Variants in ATP11C observed in about 807,000 individuals in gnomAD.
ATP11C encodes phospholipid-transporting ATPase IG.
A neutral mutation model predicts 97.4 loss-of-function variants in ATP11C; 36 were observed. The ratio of observed to expected loss-of-function variants is 0.37; its 90% confidence interval spans 0.28 to 0.49. ATP11C has a LOEUF of 0.49. Among genes scored for constraint, ATP11C ranks in the 20% least tolerant of loss-of-function variants. The pLI is 0.98. For synonymous variants in ATP11C, 275 were observed against 290.9 expected (o/e 0.95, Z 0.56); for missense variants, 730 against 824.6 (o/e 0.89, Z 1.40).
At chrX:139,840,089 A>T (rs1430360013) in intron 1 of ATP11C, among the ~76,000 whole-genome samples, 3 of 112,191 alleles carry the variant, frequency 2.7e-5, no homozygotes, top group African/African-American at 9.7e-5. Flanking sequence ...TACAATGAGC[A>T]AAGCAAAGCA....
intron 1 of ATP11C, chrX:139,832,291 T>C: frequency 8.7e-7 from 1 of 1,149,571 alleles, no homozygotes; most frequent in South Asian, 2.1e-5. Flanking sequence ...CCTTGTAAAG[T>C]TTCCCAGAAC....
At chrX:139,754,448 A>G (rs2081889080) in intron 23 of ATP11C, among the ~76,000 whole-genome samples, 1 of 109,671 alleles carries the variant, frequency 9.1e-6, no homozygotes, top group South Asian at 3.7e-4. Context: ...AACTATTCCA[A>G]AAAAATTGAG....
intron 1 of ATP11C, among the ~76,000 whole-genome samples, chrX:139,906,980 T>C (rs903502571): frequency 5.4e-5 from 6 of 111,034 alleles, no homozygotes; most frequent in African/African-American, 1.6e-4. Flanking sequence ...CCCAAAATGG[T>C]ATTTCTTGCT....
intron 19 of ATP11C, among the ~76,000 whole-genome samples, chrX:139,770,548 A>C (rs2082233211): frequency 9.0e-6 from 1 of 110,769 alleles, no homozygotes; most frequent in African/African-American, 3.3e-5. Context: ...CATCTGGCAG[A>C]GGGGCTTAAG....
chrX:139,787,470 G>T (rs2082599066), intron 14 of ATP11C, among the ~76,000 whole-genome samples: 1 of 110,791 alleles, frequency 9.0e-6, no homozygotes, highest in African/African-American at 3.3e-5. Context: ...GCTGATTTTT[G>T]TATTTTTAGT....
chrX:139,875,468 C>A lies in ATP11C; in HGVS notation c.28-48645G>T, dbSNP rs112417827. ...AAGAAATTAGCTGGGCGAGGTGGCA[C>A]ACACCTGTAGTCTTAGCTACTCGGA... is the stretch of plus-strand genomic sequence containing the variant. On this transcript the variant is annotated intron_variant, in intron 1 of 29. Transcript: ENST00000682941. Among the ~76,000 whole-genome samples the A allele has an allele frequency of 3.0e-3, 317 of 107,303 alleles. 2 individuals are homozygous for A. The highest frequency in any genetic ancestry group is 9.0e-3 in the African/African-American group (264 of 29,497). 93.2% of individuals were successfully genotyped at this position (107,303 alleles called of 115,157 possible). A position where few individuals can be genotyped will look rare whatever the true frequency, so the allele number is the denominator to read the frequency against.
At chrX:139,831,296 C>G (rs1337140147) in intron 1 of ATP11C, among the ~76,000 whole-genome samples, 1 of 110,090 alleles carries the variant, frequency 9.1e-6, no homozygotes, top group Non-Finnish European at 1.9e-5. Context: ...AAAGTTTATC[C>G]CTAAACACAA....
At chrX:139,738,677 C>A (rs2081494418) in intron 27 of ATP11C, among the ~76,000 whole-genome samples, 1 of 111,213 alleles carries the variant, frequency 9.0e-6, no homozygotes, top group African/African-American at 3.3e-5. Flanking sequence ...AGAAATCCAG[C>A]AGGAACCCCC....
chrX:139,742,877 ATATATATAT>A (rs1399072036), intron 26 of ATP11C, among the ~76,000 whole-genome samples: 75 of 68,359 alleles, frequency 1.1e-3, no homozygotes, highest in African/African-American at 4.4e-3. Context: ...AAAAAAAAAA[ATATATATAT>A]ATATATATAT....
chrX:139,914,800 C>A (rs774795792), intron 1 of ATP11C, among the ~76,000 whole-genome samples: 16 of 111,955 alleles, frequency 1.4e-4, no homozygotes, highest in Non-Finnish European at 2.4e-4. Flanking sequence ...GGGTCTCCAA[C>A]TTGCAGACTG....
At chrX:139,812,768 A>G (rs926528115) in intron 5 of ATP11C, among the ~76,000 whole-genome samples, 1 of 110,958 alleles carries the variant, frequency 9.0e-6, no homozygotes, top group Admixed American at 9.5e-5. Context: ...GATCCACCCA[A>G]CTTGGCCTCC....
chrX:139,733,798 T>G (rs1388031245), intron 28 of ATP11C, among the ~76,000 whole-genome samples: 1 of 111,954 alleles, frequency 8.9e-6, no homozygotes, highest in Non-Finnish European at 1.9e-5. Context: ...CAAACACTTG[T>G]ATCCAACCAT....
chrX:139,809,585 G>A (rs190118724), intron 5 of ATP11C, among the ~76,000 whole-genome samples: 1,124 of 112,286 alleles, frequency 0.01, 45 homozygotes, highest in Admixed American at 0.099. Context: ...GAAAAGTTCT[G>A]GAAATGGATA....
At chrX:139,845,318 C>T in intron 1 of ATP11C, among the ~76,000 whole-genome samples, 1 of 112,113 alleles carries the variant, frequency 8.9e-6, no homozygotes. Flanking sequence ...AAATTAGGAA[C>T]CCCTACAGAG....
At chrX:139,855,372 C>T (rs1048598039) in intron 1 of ATP11C, among the ~76,000 whole-genome samples, 8 of 111,627 alleles carry the variant, frequency 7.2e-5, no homozygotes, top group African/African-American at 2.0e-4. Context: ...CTAGAATTTC[C>T]GGTAAACCAG....
At chrX:139,746,081 T>G (rs1035422063) in intron 24 of ATP11C, among the ~76,000 whole-genome samples, 14 of 111,652 alleles carry the variant, frequency 1.3e-4, no homozygotes, top group Non-Finnish European at 2.1e-4. Context: ...TCTTCCAAAT[T>G]TTTGGTCACT....
At chrX:139,780,684 C>G (rs1366346886) in intron 18 of ATP11C, among the ~76,000 whole-genome samples, 2 of 111,736 alleles carry the variant, frequency 1.8e-5, no homozygotes, top group African/African-American at 6.5e-5. Flanking sequence ...TCCTATTTAA[C>G]AGAGTACTGG....
At chrX:139,745,920 G>A in intron 24 of ATP11C, 63 bp from the exon 25 acceptor site, 1 of 1,111,029 alleles carries the variant, frequency 9.0e-7, no homozygotes, top group Non-Finnish European at 1.2e-6. Flanking sequence ...ACAGTGAAAT[G>A]TCAAAGGTGG....
Position 139,843,992 on chromosome X carries a change from C to T in ATP11C, c.28-17169G>A, listed in dbSNP as rs753640769. Among the ~76,000 whole-genome samples the T allele has an allele frequency of 8.2e-5, 9 of 109,554 alleles. No individual in the cohort carries two copies. The South Asian group carries it at 2.0e-3, about 24-fold the overall frequency. On this transcript the variant is annotated intron_variant, in intron 1 of 29. Coordinates refer to ENST00000682941, the MANE Select transcript of ATP11C (RefSeq NM_001353812.2). ...GTGAAATATATCTGCAGGGTTATTA[C>T]ACTTGAAACTCAGGGAGCACAAATG...
Sources: allele counts gnomAD v4.1 joint callset (sites outside exome capture counted in the v4.1 genomes callset), GRCh38; gene constraint gnomAD v4.1.1; transcripts MANE v1.5; gene names NCBI Gene and HGNC (gene_info 2026-07-23, HGNC 2026-07-21).